The following SH3BGRL2 variants were observed in gnomAD, a reference collection of about 807,000 sequenced individuals.
The protein encoded by SH3BGRL2 is SH3 domain-binding glutamic acid-rich-like protein 2.
SH3BGRL2 carries 21 observed loss-of-function variants against 14.8 expected under a neutral mutation model. The observed-to-expected ratio is 1.42, with a 90% CI of 1.01 to 2.05. SH3BGRL2 has a LOEUF of 2.05. SH3BGRL2 is among the 30% of genes most tolerant of loss of function. SH3BGRL2 has a pLI of 0.00. For missense variants in SH3BGRL2, 147 were observed against 130.8 expected, an observed-to-expected ratio of 1.12 and a Z score of -0.61; for synonymous variants, 50 against 47.8, an observed-to-expected ratio of 1.05 and a Z score of -0.19.
chr6:79,693,469 A>G (rs1770268257), intron 2 of SH3BGRL2, among the ~76,000 whole-genome samples: 1 of 150,702 alleles, frequency 6.6e-6, no homozygotes, highest in Non-Finnish European at 1.5e-5. Context: ...GTTTTTGCCC[A>G]TTCAGTATGA....
chr6:79,615,605 A>G, the SH3BGRL2 span, among the ~76,000 whole-genome samples: 1 of 152,234 alleles, frequency 6.6e-6, no homozygotes, highest in African/African-American at 2.4e-5. Flanking sequence ...ATTTCATCAC[A>G]CCTATAAGAT....
chr6:79,579,470 C>G, the SH3BGRL2 span, among the ~76,000 whole-genome samples: 1 of 152,126 alleles, frequency 6.6e-6, no homozygotes, highest in Non-Finnish European at 1.5e-5. Flanking sequence ...ACCCCACAAC[C>G]CAGAAGAGAG....
chr6:79,540,366 C>T, the SH3BGRL2 span, among the ~76,000 whole-genome samples: 5 of 152,090 alleles, frequency 3.3e-5, no homozygotes, highest in East Asian at 1.9e-4. Flanking sequence ...ACCCGGGAGG[C>T]GGAGGTTGCA....
the SH3BGRL2 span, among the ~76,000 whole-genome samples, chr6:79,597,901 C>G: frequency 6.6e-6 from 1 of 152,158 alleles, no homozygotes; most frequent in African/African-American, 2.4e-5. Context: ...CAAACTCTTA[C>G]TATTTGACAA....
the SH3BGRL2 span, among the ~76,000 whole-genome samples, chr6:79,538,481 G>A: frequency 3.3e-5 from 5 of 152,206 alleles, no homozygotes; most frequent in East Asian, 9.6e-4. Flanking sequence ...TTCTGTATGC[G>A]AAATACATCT....
chr6:79,644,925 C>T (rs530211258), intron 1 of SH3BGRL2, among the ~76,000 whole-genome samples: 27 of 151,798 alleles, frequency 1.8e-4, no homozygotes, highest in African/African-American at 5.3e-4. Context: ...TTTGGGAGGC[C>T]GAGATGGGCG....
chr6:79,555,031 GA>G, the SH3BGRL2 span, among the ~76,000 whole-genome samples: 1 of 151,818 alleles, frequency 6.6e-6, no homozygotes, highest in African/African-American at 2.4e-5. Flanking sequence ...CCTACATAAA[GA>G]AAAAAATCTA....
intron 1 of SH3BGRL2, among the ~76,000 whole-genome samples, chr6:79,652,607 C>T (rs1769318062): frequency 6.6e-6 from 1 of 151,856 alleles, no homozygotes; most frequent in African/African-American, 2.4e-5. Flanking sequence ...TCTCACGGTG[C>T]CTGACATCTT....
chr6:79,577,056 C>A, the SH3BGRL2 span, among the ~76,000 whole-genome samples: 1 of 152,174 alleles, frequency 6.6e-6, no homozygotes, highest in Non-Finnish European at 1.5e-5. Context: ...AGTGGAGGTT[C>A]TCTTCCCTCT....
chr6:79,615,828 C>T, the SH3BGRL2 span, among the ~76,000 whole-genome samples: 572 of 71,294 alleles, frequency 8.0e-3, no homozygotes, highest in Non-Finnish European at 9.4e-3. Context: ...TTTTTTTTTT[C>T]TTTCTTTTTT....
intron 2 of SH3BGRL2, among the ~76,000 whole-genome samples, chr6:79,687,253 C>T (rs1770115296): frequency 6.6e-6 from 1 of 152,060 alleles, no homozygotes; most frequent in Non-Finnish European, 1.5e-5. Flanking sequence ...CTGTGGTTTC[C>T]CCTGCTGTGT....
the SH3BGRL2 span, among the ~76,000 whole-genome samples, chr6:79,572,464 T>TTTAG: frequency 6.6e-6 from 1 of 151,140 alleles, no homozygotes; most frequent in African/African-American, 2.4e-5. Context: ...TTTATTTTAT[T>TTTAG]TTATTTATTT....
At chr6:79,565,495 C>G in the SH3BGRL2 span, among the ~76,000 whole-genome samples, 1 of 151,600 alleles carries the variant, frequency 6.6e-6, no homozygotes, top group African/African-American at 2.4e-5. Context: ...CTGAATATTA[C>G]AAAGAGAATT....
At chr6:79,579,615 C>T in the SH3BGRL2 span, among the ~76,000 whole-genome samples, 2,796 of 152,202 alleles carry the variant, frequency 0.018, 77 homozygotes, top group African/African-American at 0.063. Flanking sequence ...ATTTTGTCAC[C>T]ACCAGGCCGG....
chr6:79,618,773 G>T, the SH3BGRL2 span, among the ~76,000 whole-genome samples: 2 of 151,772 alleles, frequency 1.3e-5, no homozygotes, highest in East Asian at 3.9e-4. Flanking sequence ...ACAAAAATTA[G>T]CCATGCGTGG....
At chr6:79,587,629 A>G in the SH3BGRL2 span, among the ~76,000 whole-genome samples, 2 of 152,188 alleles carry the variant, frequency 1.3e-5, no homozygotes, top group African/African-American at 2.4e-5. Flanking sequence ...GTTGTATTAT[A>G]TATTACCATT....
At chr6:79,666,660 C>T (rs918727906) in intron 1 of SH3BGRL2, among the ~76,000 whole-genome samples, 2 of 152,138 alleles carry the variant, frequency 1.3e-5, no homozygotes, top group East Asian at 3.9e-4. Context: ...CAACTTAGGG[C>T]CTTCTACCTT....
chr6:79,692,302 A>C (rs1350766777), intron 2 of SH3BGRL2, among the ~76,000 whole-genome samples: 1 of 152,012 alleles, frequency 6.6e-6, no homozygotes, highest in Non-Finnish European at 1.5e-5. Context: ...CCTATTTTGT[A>C]GGTTGCCTGT....
chr6:79,574,270 G>A, the SH3BGRL2 span: 2 of 152,134 alleles, frequency 1.3e-5, no homozygotes, highest in African/African-American at 4.8e-5. Flanking sequence ...TTCCACAGGT[G>A]GGAAACTGTG....
Sources: gnomAD v4.1 joint callset for allele counts (sites outside exome capture counted in the v4.1 genomes callset) on GRCh38, gnomAD v4.1.1 for gene constraint, MANE v1.5 for transcripts, NCBI Gene and HGNC (gene_info 2026-07-23, HGNC 2026-07-21) for gene names.